Variants in POLR3B observed in about 807,000 individuals in gnomAD.
POLR3B encodes DNA-directed RNA polymerase III subunit RPC2.
Under a neutral mutation model 147.4 loss-of-function variants are expected in POLR3B, and 96 were observed. The ratio of observed to expected loss-of-function variants is 0.65; its 90% CI spans 0.55 to 0.77. POLR3B has a LOEUF of 0.77. POLR3B is among the 30% of genes least tolerant of loss of function. POLR3B has a pLI of 0.00. For synonymous variants in POLR3B, 461 were observed against 485.9 expected (o/e 0.95, Z 0.67); for missense variants, 1,036 against 1,413.5 (o/e 0.73, Z 4.28).
chr12:106,396,820 A>G (rs2136920912), intron 10 of POLR3B, among the ~76,000 whole-genome samples: 1 of 152,044 alleles, frequency 6.6e-6, no homozygotes, highest in African/African-American at 2.4e-5. Flanking sequence ...GGCCAGGCAT[A>G]GTAGGTCACA....
chr12:106,358,160 C>T (rs2036416025), intron 1 of POLR3B: 7 of 1,444,718 alleles, frequency 4.8e-6, no homozygotes, highest in African/African-American at 2.9e-5. Context: ...GAGGAGCTGT[C>T]AGCCGCTGCG....
chr12:106,457,594 G>T (rs1344308971), intron 21 of POLR3B, among the ~76,000 whole-genome samples: 1 of 152,162 alleles, frequency 6.6e-6, no homozygotes, highest in African/African-American at 2.4e-5. Flanking sequence ...ATCTGCACTG[G>T]TATTTCTTCA....
At position 106,432,451 on chromosome 12, in the gene POLR3B, A is replaced by G. The variant is rs2037522661; in HGVS notation, c.1598A>G (p.Tyr533Cys). The change falls in exon 15 of 28, where the codon TAC becomes TGC. Residue 533 changes from tyrosine (Y) to cysteine (C), a missense_variant. Around this residue, in one of 12 missense-constraint regions of POLR3B, gnomAD observed 177 missense variants for 232.7 expected, o/e 0.76. Transcript: ENST00000228347. The part of the protein sequence containing the change: ...VNLLCGEELS[Y>C]PNVFLVFLNG... ...TTATTATGTGGGGAAGAGCTCTCTT[A>G]CCCAAATGTGTTTCTTGTCTTTCTT... 6.2e-7 allele frequency: 1 copy of G among 1,612,438 alleles called. No individual in the cohort carries two copies.
chr12:106,496,786 C>G lies in POLR3B; in HGVS notation c.2852C>G (p.Ala951Gly), dbSNP rs1182297970. ...GKLIELLAGK[A>G]GVLDGRFHYG... Reference sequence around the variant, plus strand: ...CTCATTGAGCTGCTGGCTGGCAAGGCCGGTGTGCTGGACGGCAGATTCCAC... The same window carrying G: ...CTCATTGAGCTGCTGGCTGGCAAGGGCGGTGTGCTGGACGGCAGATTCCAC... Residue 951 changes from alanine to glycine, a missense_variant, in exon 25 of 28, where the codon GCC (alanine) becomes GGC (glycine). Coordinates refer to ENST00000228347, the MANE Select transcript of POLR3B (RefSeq NM_018082.6). The G allele has an allele frequency of 1.9e-6, 3 of 1,614,056 alleles. No individual in the cohort carries two copies. Among genetic ancestry groups the G allele is most frequent in the Middle Eastern group, 1.6e-4 (1 of 6,062 alleles).
chr12:106,442,061 C>G (rs1449792459), intron 18 of POLR3B, among the ~76,000 whole-genome samples: 1 of 139,006 alleles, frequency 7.2e-6, no homozygotes, highest in Non-Finnish European at 1.5e-5. Context: ...GCCTGGGCAG[C>G]AAGAGCGAAA....
intron 23 of POLR3B, among the ~76,000 whole-genome samples, chr12:106,492,980 G>A (rs1156729310): frequency 1.3e-5 from 2 of 152,140 alleles, no homozygotes; most frequent in African/African-American, 2.4e-5. Flanking sequence ...TCCTGAGCAT[G>A]TTAAACTGGT....
At chr12:106,425,173 A>G (rs1288265152) in intron 12 of POLR3B, among the ~76,000 whole-genome samples, 1 of 152,142 alleles carries the variant, frequency 6.6e-6, no homozygotes, top group African/African-American at 2.4e-5. Flanking sequence ...AGCATGGGCA[A>G]TCTTTTCTTT....
Position 106,369,650 on chromosome 12 carries a change from A to G in POLR3B, c.371A>G (p.Gln124Arg), listed in dbSNP as rs758954024. The change falls in exon 6 of 28, where the codon CAG (glutamine) becomes CGG (arginine). Residue 124 changes from glutamine (Q) to arginine (R), a missense_variant. By Grantham distance (43) the Gln-to-Arg change is conservative. This residue lies in a region of POLR3B where 217 missense variants were observed against 288.7 expected (regional missense o/e 0.75). Coordinates refer to ENST00000228347, the MANE Select transcript of POLR3B (RefSeq NM_018082.6). Reference protein sequence around the residue: ...TVDIEYTRGSQRIIRNALPIG... With the variant: ...TVDIEYTRGSRRIIRNALPIG... Reference sequence around the variant, plus strand: ...GATATTGAATATACCCGAGGCAGCCAGAGGATCATCCGCAATGCCTTACCT... The same window carrying G: ...GATATTGAATATACCCGAGGCAGCCGGAGGATCATCCGCAATGCCTTACCT... 3 of 1,613,072 alleles carry G rather than the reference A, an allele frequency of 1.9e-6. No homozygotes were observed. The South Asian group carries it at 3.3e-5, about 18-fold the overall frequency.
At chr12:106,402,109 C>A (rs2037077368) in intron 10 of POLR3B, among the ~76,000 whole-genome samples, 1 of 151,956 alleles carries the variant, frequency 6.6e-6, no homozygotes, top group South Asian at 2.1e-4. Flanking sequence ...GCAACTTCAG[C>A]AAAGTCTCAG....
rs138198373 is a variant in POLR3B, at chr12:106,503,998, C to T, written c.3099-83C>T. On this transcript the variant is annotated intron_variant, in intron 26 of 27. Transcript: ENST00000228347. ...CCAGATGAGCCCTGCTCCAAAGCCT[C>T]GTGCTCTCTGCCAGCATGTGATGCT... The T allele has an allele frequency of 8.8e-3, 11,324 of 1,283,972 alleles. 92 individuals are homozygous for T. The highest frequency in any genetic ancestry group is 0.01 in the Non-Finnish European group (8,966 of 879,572). The allele number at this position is 1,283,972 out of a possible 1,614,324, so 79.5% of individuals were successfully genotyped here. A position where few individuals can be genotyped will look rare whatever the true frequency, so the allele number is the denominator to read the frequency against.
intron 23 of POLR3B, among the ~76,000 whole-genome samples, chr12:106,469,873 G>T (rs540997996): frequency 2.6e-5 from 4 of 152,172 alleles, no homozygotes; most frequent in Non-Finnish European, 5.9e-5. Context: ...CTCTCTGGCT[G>T]CCCTTAACAC....
At chr12:106,461,003 C>A (rs187718493) in intron 22 of POLR3B, among the ~76,000 whole-genome samples, 1 of 152,088 alleles carries the variant, frequency 6.6e-6, no homozygotes, top group Non-Finnish European at 1.5e-5. Flanking sequence ...CCCTAACCCT[C>A]GGAACTGGCC....
chr12:106,444,173 A>G (rs2037691925), intron 18 of POLR3B, among the ~76,000 whole-genome samples: 1 of 152,186 alleles, frequency 6.6e-6, no homozygotes, highest in African/African-American at 2.4e-5. Flanking sequence ...GATACAACCT[A>G]CTCATTGATA....
rs1042678816 is a variant in POLR3B, at chr12:106,509,829, T to G, written c.*280T>G. The stretch of plus-strand genomic sequence containing the variant: ...CCTAAAGGATAAATAAGCTATTACT[T>G]ATGTGCTGATCTCTTGACATTCACT... On this transcript the variant is annotated 3_prime_UTR_variant, in exon 28 of 28. Transcript: ENST00000228347. 2.7e-6 allele frequency: 1 copy of G among 365,680 alleles called. No individual in the cohort carries two copies. The highest frequency in any genetic ancestry group is 3.8e-5 in the Admixed American group (1 of 26,514). 22.7% of individuals were successfully genotyped at this position (365,680 alleles called of 1,614,324 possible). A position where few individuals can be genotyped will look rare whatever the true frequency, so the allele number is the denominator to read the frequency against.
chr12:106,427,025 C>A (rs1034538486), intron 12 of POLR3B, among the ~76,000 whole-genome samples, 172 bp from the exon 13 acceptor site: 3 of 151,962 alleles, frequency 2.0e-5, no homozygotes, highest in African/African-American at 4.8e-5. Flanking sequence ...GTGTTAAGCA[C>A]ATAGAAAATT....
intron 1 of POLR3B, among the ~76,000 whole-genome samples, chr12:106,360,568 T>G (rs149707596): frequency 1.1e-4 from 16 of 152,364 alleles, no homozygotes; most frequent in African/African-American, 3.6e-4. Flanking sequence ...ACTTAAACTT[T>G]CCAACTTCAG....
intron 13 of POLR3B, among the ~76,000 whole-genome samples, chr12:106,428,268 A>G (rs1367247822): frequency 1.3e-5 from 2 of 152,000 alleles, no homozygotes; most frequent in Non-Finnish European, 2.9e-5. Flanking sequence ...TTGCTTCCTC[A>G]CCCATGATTT....
At position 106,437,762 on chromosome 12, in the gene POLR3B, C is replaced by T. The variant is rs143400457; in HGVS notation, c.1938C>T (p.Tyr646=). ...AAAATGATTGTAACATTGCACTGTACGAACACACAATTAATAAGTAAGTAG... is the reference window on the plus strand; with the variant it reads ...AAAATGATTGTAACATTGCACTGTATGAACACACAATTAATAAGTAAGTAG... The part of the protein sequence containing the change: ...NEENDCNIAL[Y]EHTINKDTTH... Residue 646 remains tyrosine (Y), a synonymous_variant, in exon 18 of 28, where the codon TAC becomes TAT. Transcript: ENST00000228347. 33 of 1,577,652 alleles carry T rather than the reference C, an allele frequency of 2.1e-5. No individual in the cohort carries two copies. The highest frequency in any genetic ancestry group is 4.5e-5 in the East Asian group (2 of 44,616).
intron 17 of POLR3B, among the ~76,000 whole-genome samples, 163 bp from the exon 18 acceptor site, chr12:106,437,518 G>C (rs2037593247): frequency 6.6e-6 from 1 of 152,170 alleles, no homozygotes; most frequent in African/African-American, 2.4e-5. Flanking sequence ...TGTGGTTACT[G>C]TGTGAGCTAA....
Sources: allele counts gnomAD v4.1 joint callset (sites outside exome capture counted in the v4.1 genomes callset), GRCh38; gene constraint gnomAD v4.1.1; regional missense constraint gnomAD v4.1.1; transcripts MANE v1.5; gene names NCBI Gene and HGNC (gene_info 2026-07-23, HGNC 2026-07-21).